The following COL5A1 variants were observed in gnomAD, a reference collection of about 807,000 sequenced individuals.
The protein encoded by COL5A1 is collagen type V alpha 1 chain.
COL5A1 carries 16 observed loss-of-function variants against 263.7 expected under a neutral mutation model. The ratio of observed to expected loss-of-function variants is 0.06; its 90% CI spans 0.04 to 0.09. The LOEUF is 0.09. COL5A1 is among the 10% of genes least tolerant of loss of function. The probability of loss-of-function intolerance (pLI) is 1.00; values close to 1 mark genes in which losing one functional copy is unlikely to be tolerated. For synonymous variants in COL5A1, 1,012 were observed against 1,004.5 expected (o/e 1.01, Z -0.14); for missense variants, 2,036 against 2,540.5 (o/e 0.80, Z 4.27).
intron 1 of COL5A1, among the ~76,000 whole-genome samples, chr9:134,685,529 T>C (rs1232123958): frequency 2.2e-5 from 3 of 134,892 alleles, no homozygotes; most frequent in Non-Finnish European, 3.1e-5. Flanking sequence ...CATCCATCCA[T>C]CCACCATCCA....
chr9:134,751,194 G>A (rs1212542828), intron 13 of COL5A1, among the ~76,000 whole-genome samples: 2 of 148,100 alleles, frequency 1.4e-5, no homozygotes, highest in African/African-American at 2.6e-5. Context: ...CCCCGAGAGC[G>A]TGTCACTGTC....
At chr9:134,804,598 G>A (rs934327449) in intron 39 of COL5A1, among the ~76,000 whole-genome samples, 1 of 152,208 alleles carries the variant, frequency 6.6e-6, no homozygotes, top group Admixed American at 6.5e-5. Context: ...GTGGAGCAGG[G>A]GTAGAGTCAG....
intron 11 of COL5A1, among the ~76,000 whole-genome samples, chr9:134,746,595 A>G (rs528179128): frequency 6.6e-6 from 1 of 152,360 alleles, no homozygotes. Flanking sequence ...TCCTCAGGAA[A>G]GAAACCCTGT....
chr9:134,782,564 T>TG, intron 28 of COL5A1, 103 bp from the exon 29 acceptor site: 1 of 1,105,308 alleles, frequency 9.0e-7, no homozygotes, highest in Non-Finnish European at 1.4e-6. Flanking sequence ...CCCCCAAGCG[T>TG]GGGGGACCTG....
Position 134,844,711 on chromosome 9 carries a change from C to T in COL5A1, c.*2408C>T, listed in dbSNP as rs549268130. 5.3e-5 allele frequency: 8 copies of T among 152,254 alleles called. No homozygotes were observed. Among genetic ancestry groups the T allele is most frequent in the East Asian group, 1.9e-4 (1 of 5,186 alleles). The allele number at this position is 152,254 out of a possible 1,614,324, so 9.4% of individuals were successfully genotyped here. A position where few individuals can be genotyped will look rare whatever the true frequency, so the allele number is the denominator to read the frequency against. ...ACACATTGTACGGTTTCAAAAAATC[C>T]GCTAGACATGTCATAAGTTTTAACT... On this transcript the variant is annotated 3_prime_UTR_variant, in exon 66 of 66. Coordinates refer to ENST00000371817, the MANE Select transcript of COL5A1 (RefSeq NM_000093.5).
chr9:134,709,083 A>ATT (rs1833944148), intron 4 of COL5A1: 2 of 387,094 alleles, frequency 5.2e-6, no homozygotes, highest in Non-Finnish European at 1.0e-5. Context: ...CAGTGATCTT[A>ATT]TTTCTGGACA....
intron 24 of COL5A1, among the ~76,000 whole-genome samples, chr9:134,767,760 C>T (rs909243309): frequency 4.6e-5 from 7 of 152,214 alleles, no homozygotes; most frequent in African/African-American, 1.7e-4. Context: ...CTACTGTGTC[C>T]TAGGCCCTGG....
rs757713020 is a variant in COL5A1 at position 134,767,360 on chromosome 9, T to C, written c.2232+6T>C. 2 of 1,613,902 alleles carry C rather than the reference T, an allele frequency of 1.2e-6. No homozygotes were observed. Among genetic ancestry groups the C allele is most frequent in the Non-Finnish European group, 1.7e-6 (2 of 1,179,964 alleles). ...TTGGTCCTCCAGGAGAAAAGGTAGGTGGGCCTGGGCTGTGTTGCAGGCCAC... is the reference window on the plus strand; with the variant it reads ...TTGGTCCTCCAGGAGAAAAGGTAGGCGGGCCTGGGCTGTGTTGCAGGCCAC... On this transcript the variant is annotated splice_donor_region_variant and intron_variant, in intron 24 of 65. Coordinates refer to ENST00000371817, the MANE Select transcript of COL5A1 (RefSeq NM_000093.5).
At chr9:134,760,465 C>CA (rs1836335284) in intron 18 of COL5A1, among the ~76,000 whole-genome samples, 1 of 119,052 alleles carries the variant, frequency 8.4e-6, no homozygotes, top group Non-Finnish European at 1.7e-5. Context: ...CCACACACCC[C>CA]CACATTCATA....
intron 6 of COL5A1, 144 bp downstream of exon 6, chr9:134,728,951 G>C (rs1370682680): frequency 9.4e-7 from 1 of 1,059,756 alleles, no homozygotes; most frequent in African/African-American, 1.6e-5. Flanking sequence ...TGAGGGAGCC[G>C]GCTGTTGCCA....
intron 18 of COL5A1, among the ~76,000 whole-genome samples, chr9:134,760,729 A>T (rs1290934841): frequency 7.2e-6 from 1 of 139,290 alleles, no homozygotes; most frequent in Non-Finnish European, 1.5e-5. Context: ...ACACACATGC[A>T]CACACACCAC....
chr9:134,735,622 G>C (rs1036876400), intron 9 of COL5A1, among the ~76,000 whole-genome samples: 4 of 152,184 alleles, frequency 2.6e-5, no homozygotes, highest in Admixed American at 6.5e-5. Flanking sequence ...CCCCGCCCGC[G>C]TTGCCCCAGT....
In COL5A1 at chr9:134,795,267, G is replaced by A. The variant is rs200319017; in HGVS notation, c.2751G>A (p.Pro917=). ...GPRGQRGPTG[P]RGERGPRGIT... is the part of the protein sequence containing the mutation. Reference sequence around the variant, plus strand: ...CTTCTCTCCCATCTGTCCAGGGTCCGAGGGGTGAAAGAGGCCCCCGGGGCA... The same window carrying A: ...CTTCTCTCCCATCTGTCCAGGGTCCAAGGGGTGAAAGAGGCCCCCGGGGCA... Residue 917 remains proline, a synonymous_variant, in exon 34 of 66, where the codon CCG becomes CCA. Coordinates refer to ENST00000371817, the MANE Select transcript of COL5A1 (RefSeq NM_000093.5). 143 of 1,613,924 alleles carry A rather than the reference G, an allele frequency of 8.9e-5. No homozygotes were observed. The African/African-American group carries it at 1.5e-3, about 17-fold the overall frequency.
rs748505927 is a variant in COL5A1 at position 134,795,251 on chromosome 9, C to T, written c.2746-11C>T. ...ACTTGAGCTGACCTTCCTTCTCTCCCATCTGTCCAGGGTCCGAGGGGTGAA... is the reference window on the plus strand; with the variant it reads ...ACTTGAGCTGACCTTCCTTCTCTCCTATCTGTCCAGGGTCCGAGGGGTGAA... On this transcript the variant is annotated splice_polypyrimidine_tract_variant and intron_variant, in intron 33 of 65. Coordinates refer to ENST00000371817, the MANE Select transcript of COL5A1 (RefSeq NM_000093.5). 1.9e-6 allele frequency: 3 copies of T among 1,613,802 alleles called. No homozygotes were observed. The highest frequency in any genetic ancestry group is 1.7e-5 in the Admixed American group (1 of 60,000).
chr9:134,661,886 C>T (rs1379581460), intron 1 of COL5A1, among the ~76,000 whole-genome samples: 1 of 152,158 alleles, frequency 6.6e-6, no homozygotes, highest in East Asian at 1.9e-4. Flanking sequence ...CCAGCGGCTT[C>T]TGTTCTCTAG....
chr9:134,712,838 G>C (rs1442687184), intron 4 of COL5A1, among the ~76,000 whole-genome samples: 2 of 151,736 alleles, frequency 1.3e-5, no homozygotes, highest in Non-Finnish European at 2.9e-5. Context: ...GGGTTTCCTT[G>C]ACCACGGGGA....
At chr9:134,734,607 C>T (rs956930972) in intron 9 of COL5A1, among the ~76,000 whole-genome samples, 1 of 152,344 alleles carries the variant, frequency 6.6e-6, no homozygotes, top group East Asian at 1.9e-4. Context: ...AGGGGCATGC[C>T]CAGGTCTTTC....
At chr9:134,790,607 C>CATCA (rs1837655751) in intron 32 of COL5A1, among the ~76,000 whole-genome samples, 3 of 93,644 alleles carry the variant, frequency 3.2e-5, no homozygotes, top group Non-Finnish European at 6.7e-5. Flanking sequence ...TCCACCCACC[C>CATCA]ATCCATCCAT....
chr9:134,760,645 A>C, intron 18 of COL5A1, among the ~76,000 whole-genome samples: 1 of 110,064 alleles, frequency 9.1e-6, no homozygotes, highest in Non-Finnish European at 1.8e-5. Context: ...ACACTCATAC[A>C]CTCATGCACA....
Sources: gnomAD v4.1 joint callset for allele counts (sites outside exome capture counted in the v4.1 genomes callset) on GRCh38, gnomAD v4.1.1 for gene constraint, MANE v1.5 for transcripts, NCBI Gene and HGNC (gene_info 2026-07-23, HGNC 2026-07-21) for gene names.